Variants in BRAT1 observed in about 807,000 individuals in gnomAD.
BRAT1 encodes BRCA1 associated ATM activator 1.
BRAT1 carries 74 observed loss-of-function variants against 70.6 expected under a neutral mutation model. The ratio of observed to expected loss-of-function variants is 1.05; its 90% confidence interval spans 0.87 to 1.27. The LOEUF is 1.27. Among genes scored for constraint, BRAT1 ranks in the 50% most tolerant of loss-of-function variants. The pLI is 0.00. For missense variants in BRAT1, 1,203 were observed against 1,098.2 expected (o/e 1.10, Z -1.35); for synonymous variants, 615 against 517.1 (o/e 1.19, Z -2.57).
intron 2 of BRAT1, among the ~76,000 whole-genome samples, chr7:2,552,106 ATTTTTTT>A (rs1174942520): frequency 3.5e-4 from 5 of 14,210 alleles, no homozygotes; most frequent in East Asian, 2.0e-3. Context: ...ATATATATAT[ATTTTTTT>A]TTTTTTTTTT....
At chr7:2,542,432 G>A in intron 6 of BRAT1, 4 of 580,076 alleles carry the variant, frequency 6.9e-6, no homozygotes, top group Non-Finnish European at 9.2e-6. Context: ...ATGTCCTTAG[G>A]AGCAGATACT....
rs1456944823 is a variant in BRAT1, at chr7:2,543,131, C to CT, written c.923+72dup. On this transcript the variant is annotated intron_variant, in intron 6 of 13. Coordinates refer to ENST00000340611, the MANE Select transcript of BRAT1 (RefSeq NM_152743.4). The surrounding 1 kb of genome is among the most constrained non-coding windows in gnomAD (Gnocchi z 5.5). Reference sequence around the variant, plus strand: ...GTCCGGAACTCCCCTGCCATGAGGGCTGCGCTCTCAACCTCCCTGCCTGCC... The same window carrying CT: ...GTCCGGAACTCCCCTGCCATGAGGGCTTGCGCTCTCAACCTCCCTGCCTGCC... 1.3e-6 allele frequency: 2 copies of CT among 1,482,558 alleles called. No individual in the cohort carries two copies. The highest frequency in any genetic ancestry group is 2.9e-5 in the African/African-American group (2 of 69,966). 91.8% of individuals were successfully genotyped at this position (1,482,558 alleles called of 1,614,324 possible).
Position 2,543,363 on chromosome 7 carries a change from C to G in BRAT1, c.804-40G>C. 5.8e-6 allele frequency: 9 copies of G among 1,541,394 alleles called. No individual in the cohort carries two copies. The highest frequency in any genetic ancestry group is 7.9e-6 in the Non-Finnish European group (9 of 1,142,336). ...CAGAGAGAAAAATTACTCCCCCACC[C>G]TCAAAACCCCATTCGAGGCCTGGCT... On this transcript the variant is annotated intron_variant, in intron 5 of 13. Transcript: ENST00000340611. This position sits in a 1 kb window ranked among gnomAD's most constrained non-coding sequence, Gnocchi z 5.5.
chr7:2,539,476 T>C (rs1468122402), intron 12 of BRAT1, 68 bp downstream of exon 12: 9 of 1,500,358 alleles, frequency 6.0e-6, no homozygotes, highest in Non-Finnish European at 6.3e-6. Flanking sequence ...AAGAGGCTGC[T>C]GGTGCACCCT....
At chr7:2,539,110 C>T in intron 13 of BRAT1, 69 bp downstream of exon 13, 1 of 1,528,852 alleles carries the variant, frequency 6.5e-7, no homozygotes, top group East Asian at 2.3e-5. Flanking sequence ...CGCTCGACCA[C>T]CCGCAAGCAA....
rs1481786854 is a variant in BRAT1, at chr7:2,543,601, GAGA to G, written c.789_791del (p.Leu264del). On this transcript the variant is annotated inframe_deletion, in exon 5 of 14. Transcript: ENST00000340611. The surrounding 1 kb of genome is among the most constrained non-coding windows in gnomAD (Gnocchi z 5.5). ...CCCGGGGCCCTGACCGAGCCACACA[GAGA>G]AGCAGGTCCACGAACGAGTGTGCGG... is the stretch of plus-strand genomic sequence containing the variant. 1 of 1,519,420 alleles carries G rather than the reference GAGA, an allele frequency of 6.6e-7. No homozygotes were observed. Among genetic ancestry groups the G allele is most frequent in the Admixed American group, 2.1e-5 (1 of 47,500 alleles). 94.1% of individuals were successfully genotyped at this position (1,519,420 alleles called of 1,614,324 possible).
At chr7:2,539,932 G>T in intron 10 of BRAT1, 44 bp from the exon 11 acceptor site, 1 of 1,376,356 alleles carries the variant, frequency 7.3e-7, no homozygotes, top group Non-Finnish European at 9.7e-7. Flanking sequence ...GAGACGGAGG[G>T]GCAGGCTGTC....
intron 3 of BRAT1, among the ~76,000 whole-genome samples, chr7:2,545,493 CTTCT>C (rs1264171852): frequency 2.8e-5 from 3 of 107,576 alleles, no homozygotes; most frequent in Non-Finnish European, 5.2e-5. Flanking sequence ...ACACTTTCTT[CTTCT>C]TTTTTTTTTT....
Position 2,543,716 on chromosome 7 carries a change from C to A in BRAT1, c.677G>T (p.Gly226Val). The change falls in exon 5 of 14, where the codon GGG (glycine) becomes GTG (valine). Residue 226 changes from glycine (G) to valine (V), a missense_variant. By Grantham distance (109) the Gly-to-Val change is moderately radical. Transcript: ENST00000340611. The surrounding 1 kb of genome is among the most constrained non-coding windows in gnomAD (Gnocchi z 5.5). ...TTCCGTCCAGGGGCTCTGGCAGCGC[C>A]CGAAGGTCGTGGTCAGGACGTTCAG... The part of the protein sequence containing the change: ...QALNVLTTTF[G>V]RCQSPWTEAL... 3 of 1,584,782 alleles carry A rather than the reference C, an allele frequency of 1.9e-6. No homozygotes were observed. The highest frequency in any genetic ancestry group is 1.7e-6 in the Non-Finnish European group (2 of 1,159,788).
At position 2,540,207 on chromosome 7, in the gene BRAT1, C is replaced by T. The variant is rs576082018; in HGVS notation, c.1396-319G>A. 4.5e-5 allele frequency: 14 copies of T among 311,272 alleles called. 1 individual carries two copies. Among genetic ancestry groups the T allele is most frequent in the Admixed American group, 1.9e-4 (4 of 21,462 alleles). 19.3% of individuals were successfully genotyped at this position (311,272 alleles called of 1,614,324 possible). On this transcript the variant is annotated intron_variant, in intron 10 of 13. Transcript: ENST00000340611. ...CTAATTTTTGCAGTCAAATGCTCTA[C>T]CCCTGAGCTATACTCCTGGGGCTAA...
chr7:2,542,001 G>A (rs1235380384), intron 7 of BRAT1, 119 bp downstream of exon 7: 1 of 1,211,676 alleles, frequency 8.3e-7, no homozygotes, highest in Non-Finnish European at 1.1e-6. Context: ...CTCTTGGAGG[G>A]AGGCCTGGGT....
At chr7:2,550,442 T>C (rs1421164116) in intron 2 of BRAT1, among the ~76,000 whole-genome samples, 3 of 108,742 alleles carry the variant, frequency 2.8e-5, no homozygotes, top group Admixed American at 2.8e-4. Flanking sequence ...CACTCCAGCC[T>C]GGGCAATAGA....
Position 2,541,061 on chromosome 7 carries a change from G to C in BRAT1, c.1322-9C>G, listed in dbSNP as rs764641484. ...CACCAGCTCCTGGGGGCCTGAGACAGAGGTGAGTGGATAAACCACCCCCAC... is the reference window on the plus strand; with the variant it reads ...CACCAGCTCCTGGGGGCCTGAGACACAGGTGAGTGGATAAACCACCCCCAC... On this transcript the variant is annotated splice_polypyrimidine_tract_variant and intron_variant, in intron 9 of 13. Transcript: ENST00000340611. The C allele has an allele frequency of 6.7e-5, 104 of 1,560,564 alleles. No homozygotes were observed. The highest frequency in any genetic ancestry group is 8.2e-5 in the Non-Finnish European group (95 of 1,162,752).
At chr7:2,545,516 A>C (rs1779547749) in intron 3 of BRAT1, among the ~76,000 whole-genome samples, 1 of 107,050 alleles carries the variant, frequency 9.3e-6, no homozygotes, top group African/African-American at 5.4e-5. Flanking sequence ...TTTTTGAGAC[A>C]GTCCCACTCT....
At chr7:2,555,300 A>G (rs1780341730) in intron 1 of BRAT1, among the ~76,000 whole-genome samples, 187 bp downstream of exon 1, 1 of 151,934 alleles carries the variant, frequency 6.6e-6, no homozygotes, top group South Asian at 2.1e-4. Context: ...TTTGGCCGCG[A>G]GCGCCAGGCC....
chr7:2,547,260 G>T, intron 3 of BRAT1, 64 bp downstream of exon 3: 1 of 1,582,354 alleles, frequency 6.3e-7, no homozygotes. Flanking sequence ...GCCCCACCTG[G>T]CTGCGGGAGG....
At chr7:2,553,232 T>C (rs1407290456) in intron 2 of BRAT1, among the ~76,000 whole-genome samples, 2 of 152,118 alleles carry the variant, frequency 1.3e-5, no homozygotes, top group African/African-American at 2.4e-5. Context: ...GGTCTCACCA[T>C]GTTGGCCAGG....
chr7:2,538,598 A>T lies in BRAT1; in HGVS notation c.1937T>A (p.Leu646Gln). ...GCCCTGGGCGCGGACCTCCCAGTCCAGGTCTCGGCTCGCCGCCTGCAGCAC... is the reference window on the plus strand; with the variant it reads ...GCCCTGGGCGCGGACCTCCCAGTCCTGGTCTCGGCTCGCCGCCTGCAGCAC... The part of the protein sequence containing the change: ...ATVLQAASRD[L>Q]DWEVRAQGLE... The change falls in exon 14 of 14, where the codon CTG becomes CAG. Residue 646 changes from leucine to glutamine, a missense_variant. Leu to Gln is a moderately radical substitution (Grantham distance 113). Transcript: ENST00000340611. 6.3e-7 allele frequency: 1 copy of T among 1,599,226 alleles called. No homozygotes were observed. The highest frequency in any genetic ancestry group is 1.1e-5 in the South Asian group (1 of 90,934).
At chr7:2,540,836 C>T (rs1241678201) in intron 10 of BRAT1, 143 bp downstream of exon 10, 9 of 880,600 alleles carry the variant, frequency 1.0e-5, no homozygotes, top group African/African-American at 1.8e-5. Flanking sequence ...CCACCTGCAT[C>T]GTGAAGCTCT....
Sources: gnomAD v4.1 joint callset for allele counts (sites outside exome capture counted in the v4.1 genomes callset) on GRCh38, gnomAD v4.1.1 for gene constraint, Gnocchi (gnomAD v3.1) non-coding constraint, MANE v1.5 for transcripts, NCBI Gene and HGNC (gene_info 2026-07-23, HGNC 2026-07-21) for gene names.